The following NCOA2 variants were observed in gnomAD, a reference collection of about 807,000 sequenced individuals.
NCOA2 encodes the protein class E basic helix-loop-helix protein 75.
In NCOA2, 21 loss-of-function variants were observed where a neutral mutation model predicts 145.1. That is an observed-to-expected ratio of 0.14 (90% confidence interval 0.10 to 0.21). NCOA2 has a LOEUF of 0.21. Among genes scored for constraint, NCOA2 ranks in the 10% least tolerant of loss-of-function variants. NCOA2 has a pLI of 1.00. For synonymous variants in NCOA2, 619 were observed against 637.5 expected (o/e 0.97, Z 0.44); for missense variants, 1,472 against 1,837.6 (o/e 0.80, Z 3.64).
intron 2 of NCOA2, among the ~76,000 whole-genome samples, chr8:70,217,013 T>A (rs914114298): frequency 6.6e-6 from 1 of 152,184 alleles, no homozygotes; most frequent in Admixed American, 6.5e-5. Flanking sequence ...GGGCCCAAAT[T>A]CTTTAAACAC....
intron 1 of NCOA2, among the ~76,000 whole-genome samples, chr8:70,318,672 G>C (rs1169274719): frequency 6.6e-6 from 1 of 152,138 alleles, no homozygotes. Flanking sequence ...GGAGGCTGTG[G>C]GAGGATCATT....
In NCOA2 at chr8:70,210,849, G is replaced by A. The variant is rs73289289; in HGVS notation, c.259+3054C>T. ...AGTTTAACTTCTCTAGGATAAATAGGCAGGTTTATTACATAATGGGCATGT... is the reference window on the plus strand; with the variant it reads ...AGTTTAACTTCTCTAGGATAAATAGACAGGTTTATTACATAATGGGCATGT... On this transcript the variant is annotated intron_variant, in intron 4 of 22. Transcript: ENST00000452400. 2.9e-3 allele frequency among the ~76,000 whole-genome samples: 437 copies of A among 152,264 alleles called. 1 individual carries two copies. Among genetic ancestry groups the A allele is most frequent in the African/African-American group, 0.01 (428 of 41,554 alleles).
chr8:70,236,578 CCT>C (rs1181049298), intron 2 of NCOA2, among the ~76,000 whole-genome samples: 1 of 152,046 alleles, frequency 6.6e-6, no homozygotes, highest in East Asian at 1.9e-4. Flanking sequence ...ATTAAATTCC[CCT>C]CTTCTGTCTT....
chr8:70,335,936 TAAAC>T (rs1333969321), intron 1 of NCOA2, among the ~76,000 whole-genome samples: 2 of 152,120 alleles, frequency 1.3e-5, no homozygotes, highest in African/African-American at 4.8e-5. Flanking sequence ...TAAATATATA[TAAAC>T]AAAGAAAAGA....
chr8:70,322,558 A>C (rs1370651900), intron 1 of NCOA2, among the ~76,000 whole-genome samples: 1 of 152,210 alleles, frequency 6.6e-6, no homozygotes, highest in Admixed American at 6.5e-5. Context: ...CTTGAGACGT[A>C]TTAGGAGGTA....
At chr8:70,354,546 A>T (rs1809512949) in intron 1 of NCOA2, among the ~76,000 whole-genome samples, 1 of 152,164 alleles carries the variant, frequency 6.6e-6, no homozygotes, top group African/African-American at 2.4e-5. Flanking sequence ...ACAGTCTGAA[A>T]CTCATACAAA....
At chr8:70,279,890 C>G in intron 2 of NCOA2, among the ~76,000 whole-genome samples, 1 of 152,220 alleles carries the variant, frequency 6.6e-6, no homozygotes, top group East Asian at 1.9e-4. Context: ...GTCCTGATGA[C>G]ATCACTTAAT....
intron 1 of NCOA2, among the ~76,000 whole-genome samples, chr8:70,327,086 T>A (rs1806654906): frequency 6.6e-6 from 1 of 152,204 alleles, no homozygotes; most frequent in Admixed American, 6.5e-5. Context: ...ATATTCAAGA[T>A]TAAGTATATT....
chr8:70,402,522 C>T (rs1474001666), intron 1 of NCOA2: 6 of 152,276 alleles, frequency 3.9e-5, no homozygotes, highest in Admixed American at 2.0e-4. Context: ...GAAGAGGCGC[C>T]TCTGGGACTC....
At chr8:70,113,799 C>T (rs193068408) in intron 22 of NCOA2, among the ~76,000 whole-genome samples, 156 bp from the exon 23 acceptor site, 7 of 152,228 alleles carry the variant, frequency 4.6e-5, no homozygotes, top group Middle Eastern at 3.4e-3. Context: ...TGGAGGTGAA[C>T]AGGCAGAGGG....
chr8:70,336,035 T>A (rs576088151), intron 1 of NCOA2, among the ~76,000 whole-genome samples: 1 of 152,258 alleles, frequency 6.6e-6, no homozygotes, highest in South Asian at 2.1e-4. Context: ...GCTCTTGCAA[T>A]GAATGGAGCT....
rs115022279 is a variant in NCOA2, at chr8:70,328,869, T to C, written c.-76-32069A>G. Among the ~76,000 whole-genome samples, 1,420 of 152,246 alleles carry C rather than the reference T, an allele frequency of 9.3e-3. 22 individuals are homozygous for C. Among genetic ancestry groups the C allele is most frequent in the African/African-American group, 0.032 (1,323 of 41,536 alleles). On this transcript the variant is annotated intron_variant, in intron 1 of 22. Coordinates refer to ENST00000452400, the MANE Select transcript of NCOA2 (RefSeq NM_006540.4). ...TTCCACAACATTGCTGATGAGAATA[T>C]AAACTGATACAACCACTTGAAAAAC...
intron 2 of NCOA2, among the ~76,000 whole-genome samples, chr8:70,249,805 A>G (rs1822953696): frequency 6.6e-6 from 1 of 151,558 alleles, no homozygotes; most frequent in African/African-American, 2.4e-5. Flanking sequence ...TCAACTAAAA[A>G]TATGAAAAAT....
the NCOA2 span, among the ~76,000 whole-genome samples, chr8:70,423,123 T>G: frequency 2.7e-3 from 417 of 152,340 alleles, 4 homozygotes; most frequent in African/African-American, 9.7e-3. Flanking sequence ...TTCCCTCCAC[T>G]TGGCTCAGTG....
Position 70,285,291 on chromosome 8 carries a change from T to C in NCOA2, c.-20+11453A>G, listed in dbSNP as rs568814459. On this transcript the variant is annotated intron_variant, in intron 2 of 22. Transcript: ENST00000452400. ...ACCCAAGTGTTATGAGTTCCTATCA[T>C]TTAGCAAATAAATTTACTATGTAGT... 9.8e-5 allele frequency among the ~76,000 whole-genome samples: 15 copies of C among 152,372 alleles called. No individual in the cohort carries two copies. In the South Asian group the frequency reaches 3.1e-3, roughly 32 times the overall value.
intron 1 of NCOA2, among the ~76,000 whole-genome samples, chr8:70,308,089 C>G (rs1432984740): frequency 3.3e-5 from 5 of 152,062 alleles, no homozygotes; most frequent in African/African-American, 9.7e-5. Context: ...AAGGTCCTAC[C>G]AGTGGTACCC....
intron 22 of NCOA2, among the ~76,000 whole-genome samples, chr8:70,114,292 C>A (rs1462044988): frequency 6.6e-6 from 1 of 152,168 alleles, no homozygotes; most frequent in Non-Finnish European, 1.5e-5. Flanking sequence ...TCTCAAAATG[C>A]TGGGATTACA....
intron 1 of NCOA2, among the ~76,000 whole-genome samples, chr8:70,395,627 T>C (rs78033547): frequency 0.024 from 3,595 of 152,336 alleles, 135 homozygotes; most frequent in African/African-American, 0.083. Flanking sequence ...TAAGTTAATA[T>C]TAAATATTCT....
chr8:70,128,472 G>A lies in NCOA2; in HGVS notation c.3642C>T (p.Ser1214=), dbSNP rs1224125606. The change falls in exon 18 of 23, where the codon TCC becomes TCT. Residue 1214 remains serine, a synonymous_variant. Transcript: ENST00000452400. ...QPLMNQISNV[S]NVNLTLRPGV... Reference sequence around the variant, plus strand: ...CAGGCCTCAGAGTCAAGTTCACATTGGAAACATTGCTGATTTGATTCATAA... The same window carrying A: ...CAGGCCTCAGAGTCAAGTTCACATTAGAAACATTGCTGATTTGATTCATAA... 2 of 1,612,950 alleles carry A rather than the reference G, an allele frequency of 1.2e-6. No homozygotes were observed. Among genetic ancestry groups the A allele is most frequent in the African/African-American group, 2.7e-5 (2 of 75,024 alleles).
Sources: allele counts gnomAD v4.1 joint callset (sites outside exome capture counted in the v4.1 genomes callset), GRCh38; gene constraint gnomAD v4.1.1; transcripts MANE v1.5; gene names NCBI Gene and HGNC (gene_info 2026-07-23, HGNC 2026-07-21).